Variants in HS3ST4 observed in about 807,000 individuals in gnomAD.
HS3ST4 encodes heparan sulfate glucosamine 3-O-sulfotransferase 4.
In HS3ST4, 17 loss-of-function variants were observed where a neutral mutation model predicts 29.2. The ratio of observed to expected loss-of-function variants is 0.58; its 90% CI spans 0.40 to 0.87. The LOEUF is 0.87. Ranked by LOEUF, HS3ST4 falls within the 40% of genes least tolerant of loss-of-function variation. The pLI is 0.00. For synonymous variants in HS3ST4, 314 were observed against 285.7 expected (o/e 1.10, Z -1.00); for missense variants, 627 against 634.5 (o/e 0.99, Z 0.13).
chr16:26,089,793 G>A (rs989096391), intron 1 of HS3ST4, among the ~76,000 whole-genome samples: 5 of 152,168 alleles, frequency 3.3e-5, no homozygotes, highest in African/African-American at 4.8e-5. Context: ...ATGGGCTCGT[G>A]GCCAGTGAAT....
intron 1 of HS3ST4, among the ~76,000 whole-genome samples, chr16:26,039,495 T>C (rs914539264): frequency 6.6e-6 from 1 of 152,210 alleles, no homozygotes; most frequent in African/African-American, 2.4e-5. Context: ...ATTTGTGGTA[T>C]GCATGAGATG....
At chr16:26,075,358 A>T (rs1221126348) in intron 1 of HS3ST4, among the ~76,000 whole-genome samples, 2 of 152,178 alleles carry the variant, frequency 1.3e-5, no homozygotes, top group African/African-American at 4.8e-5. Flanking sequence ...CATCATTAAC[A>T]AGTCTCTCCC....
At position 25,692,122 on chromosome 16, in the gene HS3ST4, C is replaced by A. The variant is rs1244261595; in HGVS notation, c.-296C>A. 1 of 147,820 alleles carries A rather than the reference C, an allele frequency of 6.8e-6. No homozygotes were observed. Among genetic ancestry groups the A allele is most frequent in the African/African-American group, 2.5e-5 (1 of 40,288 alleles). The allele number at this position is 147,820 out of a possible 1,614,324, so 9.2% of individuals were successfully genotyped here. ...ACGGAGCAGGTGCCGCCGGCGGGTCCGCGCGCCCCCCTCGGTCCCCTTGCC... is the reference window on the plus strand; with the variant it reads ...ACGGAGCAGGTGCCGCCGGCGGGTCAGCGCGCCCCCCTCGGTCCCCTTGCC... On this transcript the variant is annotated 5_prime_UTR_variant, in exon 1 of 2. Coordinates refer to ENST00000331351, the MANE Select transcript of HS3ST4 (RefSeq NM_006040.3).
intron 1 of HS3ST4, among the ~76,000 whole-genome samples, chr16:25,725,453 G>C (rs1308895989): frequency 6.6e-6 from 1 of 152,034 alleles, no homozygotes; most frequent in Non-Finnish European, 1.5e-5. Context: ...ACCATCCAGA[G>C]GATATCTTTT....
chr16:25,873,136 CT>C (rs1451208962), intron 1 of HS3ST4, among the ~76,000 whole-genome samples: 7 of 152,150 alleles, frequency 4.6e-5, no homozygotes, highest in African/African-American at 9.6e-5. Flanking sequence ...TTCTTTCTTT[CT>C]TTCTTCCATC....
intron 1 of HS3ST4, among the ~76,000 whole-genome samples, chr16:25,857,919 C>CCTTCCTTTCTTCCTTT (rs1455979612): frequency 6.9e-5 from 4 of 58,102 alleles, no homozygotes; most frequent in Non-Finnish European, 1.1e-4. Context: ...TTCCTTCCTT[C>CCTTCCTTTCTTCCTTT]CTTTCTTTCT....
intron 1 of HS3ST4, among the ~76,000 whole-genome samples, chr16:25,923,874 C>A (rs1039285642): frequency 2.6e-5 from 4 of 152,104 alleles, no homozygotes; most frequent in African/African-American, 9.7e-5. Context: ...TTAAGTGGAT[C>A]CCATTGGCAT....
At chr16:25,732,235 C>G (rs1330979703) in intron 1 of HS3ST4, among the ~76,000 whole-genome samples, 1 of 152,188 alleles carries the variant, frequency 6.6e-6, no homozygotes, top group Admixed American at 6.5e-5. Flanking sequence ...CCCTACCCCC[C>G]AAACCCTTGG....
chr16:25,915,913 A>G (rs1301032627), intron 1 of HS3ST4, among the ~76,000 whole-genome samples: 2 of 152,224 alleles, frequency 1.3e-5, no homozygotes. Context: ...TTGTTGGAGG[A>G]TTAAGTGAAA....
intron 1 of HS3ST4, among the ~76,000 whole-genome samples, chr16:25,981,475 C>T (rs1164256000): frequency 6.6e-6 from 1 of 152,106 alleles, no homozygotes; most frequent in East Asian, 1.9e-4. Context: ...GACAAAGCAT[C>T]AAAATAGAAA....
chr16:26,093,206 T>A (rs1281477627), intron 1 of HS3ST4, among the ~76,000 whole-genome samples: 1 of 152,148 alleles, frequency 6.6e-6, no homozygotes, highest in African/African-American at 2.4e-5. Context: ...GATTTAAGTG[T>A]CCCTGTCTGA....
chr16:25,987,021 T>C (rs1969071031), intron 1 of HS3ST4, among the ~76,000 whole-genome samples: 5 of 152,254 alleles, frequency 3.3e-5, no homozygotes, highest in Admixed American at 3.3e-4. Context: ...CATTGATGGA[T>C]GTCTGGGCCC....
intron 1 of HS3ST4, among the ~76,000 whole-genome samples, chr16:25,992,897 A>C (rs1402778387): frequency 6.6e-6 from 1 of 152,190 alleles, no homozygotes; most frequent in Non-Finnish European, 1.5e-5. Context: ...ATTGAGGGTG[A>C]AGCGATGCCA....
chr16:25,787,734 G>A (rs1334273386), intron 1 of HS3ST4, among the ~76,000 whole-genome samples: 1 of 152,164 alleles, frequency 6.6e-6, no homozygotes, highest in Non-Finnish European at 1.5e-5. Flanking sequence ...TTGGACTCTC[G>A]ATTTTATGTG....
chr16:25,841,967 G>A (rs746653736), intron 1 of HS3ST4, among the ~76,000 whole-genome samples: 3 of 152,210 alleles, frequency 2.0e-5, no homozygotes, highest in Non-Finnish European at 2.9e-5. Flanking sequence ...TCTGCAGATG[G>A]CTTTATTCTT....
At chr16:25,994,451 G>A (rs992087788) in intron 1 of HS3ST4, among the ~76,000 whole-genome samples, 14 of 151,878 alleles carry the variant, frequency 9.2e-5, no homozygotes, top group Non-Finnish European at 1.9e-4. Context: ...GTACTGTAAA[G>A]AGCACATAAT....
At chr16:25,906,570 A>G (rs1007386041) in intron 1 of HS3ST4, among the ~76,000 whole-genome samples, 3 of 152,224 alleles carry the variant, frequency 2.0e-5, no homozygotes, top group African/African-American at 7.2e-5. Context: ...AGGTAAGCAG[A>G]TAAATATAAA....
chr16:25,921,865 C>T (rs1267503191), intron 1 of HS3ST4, among the ~76,000 whole-genome samples: 1 of 151,996 alleles, frequency 6.6e-6, no homozygotes, highest in Non-Finnish European at 1.5e-5. Context: ...AGCAAACTTC[C>T]CACCTCAGCC....
In HS3ST4 at chr16:26,047,446, G is replaced by T. The variant is rs75922858; in HGVS notation, c.735-88166G>T. On this transcript the variant is annotated intron_variant, in intron 1 of 1. Transcript: ENST00000331351. ...TCATGAATATTCCAGTGGGAAGTTG[G>T]TGGAAAGGGAAGCTAGTCATTTGTC... Among the ~76,000 whole-genome samples, 5 of 152,320 alleles carry T rather than the reference G, an allele frequency of 3.3e-5. No individual in the cohort carries two copies. In the East Asian group the frequency reaches 9.6e-4, roughly 29 times the overall value.
Sources: gnomAD v4.1 joint callset for allele counts (sites outside exome capture counted in the v4.1 genomes callset) on GRCh38, gnomAD v4.1.1 for gene constraint, MANE v1.5 for transcripts, NCBI Gene and HGNC (gene_info 2026-07-23, HGNC 2026-07-21) for gene names.